NTRK3: variants seen among roughly 807,000 people sequenced by gnomAD.
The protein encoded by NTRK3 is neurotrophic receptor tyrosine kinase 3.
Under a neutral mutation model 91.7 loss-of-function variants are expected in NTRK3, and 24 were observed. That is an observed-to-expected ratio of 0.26 (90% CI 0.19 to 0.37). The LOEUF (loss-of-function observed/expected upper bound fraction) is 0.37, where lower values mean the gene tolerates loss of function less well. NTRK3 is among the 10% of genes least tolerant of loss of function. The pLI is 1.00. For synonymous variants in NTRK3, 483 were observed against 404.0 expected, an observed-to-expected ratio of 1.20 and a Z score of -2.34; for missense variants, 880 against 1,068.9, an observed-to-expected ratio of 0.82 and a Z score of 2.46.
intron 14 of NTRK3, among the ~76,000 whole-genome samples, chr15:87,941,472 TACAC>T (rs10544243): frequency 0.016 from 2,323 of 148,896 alleles, 32 homozygotes; most frequent in African/African-American, 0.042. Flanking sequence ...CACATACACA[TACAC>T]ACACACACAC....
chr15:88,212,789 C>T (rs1270388456), intron 3 of NTRK3, among the ~76,000 whole-genome samples: 1 of 151,966 alleles, frequency 6.6e-6, no homozygotes, highest in East Asian at 1.9e-4. Context: ...AGCAGTATGT[C>T]CCACTCTGTG....
chr15:87,877,580 C>T (rs997552030), intron 18 of NTRK3, among the ~76,000 whole-genome samples: 1 of 152,080 alleles, frequency 6.6e-6, no homozygotes, highest in Non-Finnish European at 1.5e-5. Context: ...ATGCCTATCT[C>T]CTCTTATCTC....
At chr15:87,960,898 C>G (rs889907097) in intron 14 of NTRK3, among the ~76,000 whole-genome samples, 1 of 152,198 alleles carries the variant, frequency 6.6e-6, no homozygotes, top group African/African-American at 2.4e-5. Context: ...CCATATCATT[C>G]TTCTGCTTCC....
chr15:87,883,070 G>A (rs2065339408), intron 17 of NTRK3, among the ~76,000 whole-genome samples: 1 of 150,788 alleles, frequency 6.6e-6, no homozygotes, highest in Admixed American at 6.6e-5. Context: ...ATACATAAAA[G>A]AAAAATATAA....
At chr15:88,232,291 T>A (rs1375513400) in intron 3 of NTRK3, among the ~76,000 whole-genome samples, 1 of 143,162 alleles carries the variant, frequency 7.0e-6, no homozygotes, top group Admixed American at 6.9e-5. Flanking sequence ...CATCCTCTTC[T>A]ATCGCCACCT....
At chr15:87,961,529 T>C (rs1329702257) in intron 14 of NTRK3, among the ~76,000 whole-genome samples, 7 of 152,268 alleles carry the variant, frequency 4.6e-5, no homozygotes, top group African/African-American at 1.4e-4. Context: ...ACTGTAGTAT[T>C]AGCAGGTTTG....
chr15:88,241,291 C>G lies in NTRK3; in HGVS notation c.248+14615G>C, dbSNP rs551083413. Among the ~76,000 whole-genome samples the G allele has an allele frequency of 6.6e-6, 1 of 152,164 alleles. No individual in the cohort carries two copies. Among genetic ancestry groups the G allele is most frequent in the East Asian group, 1.9e-4 (1 of 5,180 alleles). ...GGCCTCAAGGTCAGAGCATGCCTGC[C>G]CAGACAGCAGGCAACAGCAGTCCTG... On this transcript the variant is annotated intron_variant, in intron 3 of 18. Transcript: ENST00000394480. The surrounding 1 kb of genome is among the most constrained non-coding windows in gnomAD (Gnocchi z 4.3).
rs141464495 is a variant in NTRK3 at position 88,162,160 on chromosome 15, G to A, written c.396-14757C>T. Among the ~76,000 whole-genome samples the A allele has an allele frequency of 2.7e-3, 413 of 152,330 alleles. 7 individuals are homozygous for A. The East Asian group carries it at 0.033, about 12-fold the overall frequency. On this transcript the variant is annotated intron_variant, in intron 5 of 18. Coordinates refer to ENST00000394480, the Ensembl canonical transcript of NTRK3. ...GAAGCACCAGCGCCACAGCAAATCAGGATATAAGGCTTCCAGAAGGTTCTG... is the reference window on the plus strand; with the variant it reads ...GAAGCACCAGCGCCACAGCAAATCAAGATATAAGGCTTCCAGAAGGTTCTG...
At chr15:88,091,495 A>C (rs1479479207) in intron 13 of NTRK3, among the ~76,000 whole-genome samples, 1 of 152,218 alleles carries the variant, frequency 6.6e-6, no homozygotes, top group Non-Finnish European at 1.5e-5. Context: ...GACTGTGTTG[A>C]GAAGTATTCT....
At chr15:88,119,846 G>C (rs1001901991) in intron 13 of NTRK3, among the ~76,000 whole-genome samples, 1 of 152,190 alleles carries the variant, frequency 6.6e-6, no homozygotes, top group Admixed American at 6.5e-5. Flanking sequence ...CAGGGTGAAA[G>C]AAACTATTTT....
At chr15:87,916,369 T>C (rs891693613) in intron 17 of NTRK3, 5 of 513,976 alleles carry the variant, frequency 9.7e-6, no homozygotes, top group Non-Finnish European at 1.4e-5. Flanking sequence ...TTATGACACA[T>C]CCGTAAGGGC....
At chr15:88,121,303 G>C (rs2052680868) in intron 13 of NTRK3, among the ~76,000 whole-genome samples, 1 of 152,176 alleles carries the variant, frequency 6.6e-6, no homozygotes, top group African/African-American at 2.4e-5. Flanking sequence ...GGTGCACTAT[G>C]GATGTGGACA....
chr15:88,113,471 A>G (rs1035578226), intron 13 of NTRK3, among the ~76,000 whole-genome samples: 3 of 151,944 alleles, frequency 2.0e-5, no homozygotes, highest in African/African-American at 7.2e-5. Context: ...GCACACGACC[A>G]CGCCCGGCTA....
At chr15:88,121,392 A>G (rs906607610) in intron 13 of NTRK3, among the ~76,000 whole-genome samples, 2 of 152,204 alleles carry the variant, frequency 1.3e-5, no homozygotes, top group African/African-American at 4.8e-5. Flanking sequence ...GCCAAACCAA[A>G]GCAAGTCACT....
At chr15:87,981,416 A>G (rs375072346) in intron 14 of NTRK3, 4 of 1,612,992 alleles carry the variant, frequency 2.5e-6, no homozygotes, top group African/African-American at 2.7e-5. Flanking sequence ...CCCCAAGTGC[A>G]AAAAACATGG....
chr15:88,189,372 G>A (rs1017109159), intron 3 of NTRK3, among the ~76,000 whole-genome samples: 1 of 152,116 alleles, frequency 6.6e-6, no homozygotes, highest in Non-Finnish European at 1.5e-5. Context: ...TACATTCATG[G>A]GGACTACAAA....
intron 14 of NTRK3, among the ~76,000 whole-genome samples, chr15:88,002,820 A>G (rs2141649161): frequency 6.6e-6 from 1 of 152,236 alleles, no homozygotes; most frequent in South Asian, 2.1e-4. Flanking sequence ...GCCTATCACA[A>G]CTACGGCCTA....
At chr15:88,140,667 C>T (rs575885773) in intron 6 of NTRK3, among the ~76,000 whole-genome samples, 18 of 152,334 alleles carry the variant, frequency 1.2e-4, no homozygotes, top group African/African-American at 4.1e-4. Flanking sequence ...GATGTTATCA[C>T]GTCCTGTGGC....
intron 13 of NTRK3, among the ~76,000 whole-genome samples, chr15:88,064,718 C>A (rs1206364566): frequency 6.6e-6 from 1 of 152,148 alleles, no homozygotes; most frequent in South Asian, 2.1e-4. Flanking sequence ...TCAAGAAGAG[C>A]CTAAACTTAG....
Sources: gnomAD v4.1 joint callset for allele counts (sites outside exome capture counted in the v4.1 genomes callset) on GRCh38, gnomAD v4.1.1 for gene constraint, Gnocchi (gnomAD v3.1) non-coding constraint, MANE v1.5 for transcripts, NCBI Gene and HGNC (gene_info 2026-07-23, HGNC 2026-07-21) for gene names.